ZNF407: variants seen among roughly 807,000 people sequenced by gnomAD.
ZNF407 encodes zinc finger protein 407.
A neutral mutation model predicts 131.2 loss-of-function variants in ZNF407; 17 were observed. The ratio of observed to expected loss-of-function variants is 0.13; its 90% CI spans 0.09 to 0.19. The LOEUF (loss-of-function observed/expected upper bound fraction) is 0.19, where lower values mean the gene tolerates loss of function less well. ZNF407 is among the 10% of genes least tolerant of loss of function. The pLI is 1.00. For missense variants in ZNF407, 2,681 were observed against 2,830.6 expected, an observed-to-expected ratio of 0.95 and a Z score of 1.20; for synonymous variants, 1,156 against 1,062.0, an observed-to-expected ratio of 1.09 and a Z score of -1.72.
At chr18:75,018,732 G>A (rs1285251877) in intron 8 of ZNF407, among the ~76,000 whole-genome samples, 2 of 151,974 alleles carry the variant, frequency 1.3e-5, no homozygotes, top group Non-Finnish European at 2.9e-5. Flanking sequence ...GTAATTTAAG[G>A]TATCAGTGAA....
At chr18:74,994,474 A>G (rs1972756114) in intron 8 of ZNF407, among the ~76,000 whole-genome samples, 1 of 152,240 alleles carries the variant, frequency 6.6e-6, no homozygotes, top group African/African-American at 2.4e-5. Flanking sequence ...GAGCCACAGA[A>G]GTGATGAAAA....
chr18:74,982,103 A>G (rs1192498232), intron 8 of ZNF407, among the ~76,000 whole-genome samples: 1 of 152,220 alleles, frequency 6.6e-6, no homozygotes, highest in Admixed American at 6.5e-5. Context: ...CTCCATTGTT[A>G]AAGGTGATCT....
rs751685268 is a variant in ZNF407 at position 74,635,458 on chromosome 18, C to T, written c.4439C>T (p.Pro1480Leu). ...RNEQASVEEL[P>L]EGGATFKCVK... ...GAGCAGGCCAGTGTGGAGGAGCTTC[C>T]GGAGGGAGGGGCCACCTTTAAATGT... Residue 1480 changes from proline (P) to leucine (L), a missense_variant, in exon 2 of 9, where the codon CCG becomes CTG. Physicochemically the swap from Pro to Leu is moderately conservative, Grantham distance 98. Around this residue, in one of 6 missense-constraint regions of ZNF407, gnomAD observed 213 missense variants for 332.2 expected, o/e 0.64. Coordinates refer to ENST00000299687, the MANE Select transcript of ZNF407 (RefSeq NM_017757.3). This position sits in a 1 kb window ranked among gnomAD's most constrained non-coding sequence, Gnocchi z 4.7. 3.7e-6 allele frequency: 6 copies of T among 1,613,104 alleles called. No homozygotes were observed. The highest frequency in any genetic ancestry group is 1.7e-5 in the Admixed American group (1 of 59,834).
chr18:74,726,134 T>C (rs1414610931), intron 3 of ZNF407, among the ~76,000 whole-genome samples: 2 of 152,186 alleles, frequency 1.3e-5, no homozygotes, highest in Non-Finnish European at 2.9e-5. Flanking sequence ...AGTTGCAATC[T>C]CTTTTTTTTC....
At chr18:74,981,074 A>G (rs907940479) in intron 8 of ZNF407, among the ~76,000 whole-genome samples, 2 of 152,338 alleles carry the variant, frequency 1.3e-5, no homozygotes, top group South Asian at 2.1e-4. Context: ...TGAAATGTCT[A>G]AGAGCTAGAA....
In ZNF407 at chr18:75,060,563, T is replaced by C. The variant is rs148499640; in HGVS notation, c.5429-2587T>C. Among the ~76,000 whole-genome samples the C allele has an allele frequency of 5.4e-3, 781 of 145,154 alleles. 7 individuals carry two copies. Among genetic ancestry groups the C allele is most frequent in the African/African-American group, 0.019 (731 of 39,374 alleles). On this transcript the variant is annotated intron_variant, in intron 8 of 8. Transcript: ENST00000299687. Reference sequence around the variant, plus strand: ...CTCTGTCGCCCAGGCTGGAGTGCGATGGCGCGGTCTCGGCTCACTGCGAGC... The same window carrying C: ...CTCTGTCGCCCAGGCTGGAGTGCGACGGCGCGGTCTCGGCTCACTGCGAGC...
At chr18:74,770,051 A>G (rs1418773971) in intron 3 of ZNF407, among the ~76,000 whole-genome samples, 1 of 152,100 alleles carries the variant, frequency 6.6e-6, no homozygotes, top group Non-Finnish European at 1.5e-5. Flanking sequence ...CAGGTTTTTC[A>G]TCTGGAAAAT....
At chr18:74,789,058 C>G (rs1360253955) in intron 4 of ZNF407, among the ~76,000 whole-genome samples, 1 of 152,092 alleles carries the variant, frequency 6.6e-6, no homozygotes. Flanking sequence ...TTGAAGATGA[C>G]ACAGCCTCTG....
chr18:75,029,488 T>C (rs1467263501), intron 8 of ZNF407, among the ~76,000 whole-genome samples: 2 of 152,134 alleles, frequency 1.3e-5, no homozygotes, highest in Admixed American at 1.3e-4. Flanking sequence ...GCAGGATGGG[T>C]GTTCGTTCTC....
At chr18:74,980,426 T>C (rs1202091237) in intron 8 of ZNF407, among the ~76,000 whole-genome samples, 3 of 152,036 alleles carry the variant, frequency 2.0e-5, no homozygotes, top group African/African-American at 7.2e-5. Context: ...TGCCTCAGCC[T>C]CCCGAGTAGC....
intron 4 of ZNF407, among the ~76,000 whole-genome samples, chr18:74,834,844 C>T (rs1479461039): frequency 2.0e-5 from 3 of 152,128 alleles, no homozygotes; most frequent in African/African-American, 4.8e-5. Flanking sequence ...TAGATGCCTT[C>T]CAGAGTTCAT....
chr18:74,852,273 A>G (rs1970800553), intron 4 of ZNF407, among the ~76,000 whole-genome samples: 1 of 152,182 alleles, frequency 6.6e-6, no homozygotes, highest in South Asian at 2.1e-4. Flanking sequence ...AGAAATTTTA[A>G]AAGTAATTTT....
intron 1 of ZNF407, among the ~76,000 whole-genome samples, chr18:74,630,227 G>A (rs1460040841): frequency 6.8e-6 from 1 of 147,444 alleles, no homozygotes; most frequent in African/African-American, 2.5e-5. Context: ...CTGGGGTGCA[G>A]TGGTGCAATC....
intron 3 of ZNF407, among the ~76,000 whole-genome samples, chr18:74,772,899 A>C (rs1347651167): frequency 2.0e-5 from 3 of 152,202 alleles, no homozygotes; most frequent in Non-Finnish European, 4.4e-5. Context: ...GTAGCAAAAA[A>C]TTATGAAGAA....
intron 8 of ZNF407, among the ~76,000 whole-genome samples, chr18:74,944,872 C>T (rs1448595083): frequency 2.0e-5 from 3 of 152,206 alleles, no homozygotes; most frequent in Non-Finnish European, 4.4e-5. Context: ...CAAAAAACCT[C>T]AGGGCCCAGA....
intron 3 of ZNF407, among the ~76,000 whole-genome samples, chr18:74,768,930 G>A (rs183125565): frequency 6.6e-6 from 1 of 152,146 alleles, no homozygotes; most frequent in African/African-American, 2.4e-5. Context: ...CCAGTGCAAT[G>A]CTACAGTGTG....
chr18:75,015,822 T>C (rs1973037492), intron 8 of ZNF407, among the ~76,000 whole-genome samples: 1 of 151,958 alleles, frequency 6.6e-6, no homozygotes, highest in South Asian at 2.1e-4. Flanking sequence ...GAGACATGTT[T>C]CTGTAATGTG....
rs10164066 is a variant in ZNF407, at chr18:75,036,739, A to C, written c.5429-26411A>C. 7.2e-3 allele frequency among the ~76,000 whole-genome samples: 1,098 copies of C among 152,342 alleles called. 19 individuals carry two copies. Among genetic ancestry groups the C allele is most frequent in the African/African-American group, 0.025 (1,030 of 41,568 alleles). ...TGGTATTTTAACTTAGATTCTTGCA[A>C]ATTACAGACATAAGAAACCCTGCAA... On this transcript the variant is annotated intron_variant, in intron 8 of 8. Coordinates refer to ENST00000299687, the MANE Select transcript of ZNF407 (RefSeq NM_017757.3).
intron 3 of ZNF407, among the ~76,000 whole-genome samples, chr18:74,676,653 C>T (rs545538373): frequency 2.8e-4 from 43 of 151,980 alleles, no homozygotes; most frequent in Admixed American, 2.2e-3. Flanking sequence ...CCAGGATGGT[C>T]TCGATCTCCT....
Sources: allele counts gnomAD v4.1 joint callset (sites outside exome capture counted in the v4.1 genomes callset), GRCh38; gene constraint gnomAD v4.1.1; regional missense constraint gnomAD v4.1.1; non-coding constraint Gnocchi (gnomAD v3.1); transcripts MANE v1.5; gene names NCBI Gene and HGNC (gene_info 2026-07-23, HGNC 2026-07-21).